The following DDX42 variants were observed in gnomAD, a reference collection of about 807,000 sequenced individuals.
DDX42 encodes ATP-dependent RNA helicase DDX42.
In DDX42, 22 loss-of-function variants were observed where a neutral mutation model predicts 101.5. That is an observed-to-expected ratio of 0.22 (90% CI 0.15 to 0.31). The LOEUF (loss-of-function observed/expected upper bound fraction) is 0.31. Ranked by LOEUF, DDX42 falls within the 10% of genes least tolerant of loss-of-function variation. The probability of loss-of-function intolerance (pLI) is 1.00; values close to 1 mark genes in which losing one functional copy is unlikely to be tolerated. For synonymous variants in DDX42, 402 were observed against 401.2 expected, an observed-to-expected ratio of 1.00 and a Z score of -0.02; for missense variants, 849 against 1,199.9, an observed-to-expected ratio of 0.71 and a Z score of 4.32.
chr17:63,806,499 G>C (rs753875022), intron 7 of DDX42, 36 bp from the exon 8 acceptor site: 14 of 1,595,194 alleles, frequency 8.8e-6, no homozygotes, highest in Non-Finnish European at 1.7e-6. Context: ...TAATGTTGAA[G>C]TACAAGTCAT....
In DDX42 at chr17:63,807,733, G is replaced by T. The variant is rs770451349; in HGVS notation, c.856G>T (p.Val286Leu). 6.4e-5 allele frequency: 104 copies of T among 1,612,402 alleles called. No homozygotes were observed. The highest frequency in any genetic ancestry group is 8.6e-5 in the Non-Finnish European group (101 of 1,179,448). Residue 286 changes from valine (V) to leucine (L), a missense_variant, in exon 9 of 18, where the codon GTG becomes TTG. Transcript: ENST00000389924. ...PTPIQCQGVP[V>L]ALSGRDMIGI... ...TTTACTTTTTCTCCAGGGTGTGCCT[G>T]TGGCATTAAGTGGTAGAGACATGAT...
intron 1 of DDX42, among the ~76,000 whole-genome samples, chr17:63,779,269 G>C (rs138094741): frequency 6.6e-6 from 1 of 151,734 alleles, no homozygotes; most frequent in Non-Finnish European, 1.5e-5. Flanking sequence ...GTTTGTTTTG[G>C]TTTTGTTTTT....
intron 1 of DDX42, among the ~76,000 whole-genome samples, chr17:63,785,479 G>T (rs2039536223): frequency 6.6e-6 from 1 of 151,038 alleles, no homozygotes; most frequent in African/African-American, 2.4e-5. Context: ...AATTTTTTTT[G>T]GGCCAGGTGC....
chr17:63,787,282 T>C lies in DDX42; in HGVS notation c.221+12T>C. ...GATGAAGAAAATGCGTAAGTGGTAA[T>C]TCCTGGTAGTGTAGCAAAGTTTGGA... is the stretch of plus-strand genomic sequence containing the variant. On this transcript the variant is annotated intron_variant, in intron 2 of 17. Transcript: ENST00000389924. 1 of 1,613,382 alleles carries C rather than the reference T, an allele frequency of 6.2e-7. No individual in the cohort carries two copies. The highest frequency in any genetic ancestry group is 8.5e-7 in the Non-Finnish European group (1 of 1,179,494).
intron 5 of DDX42, among the ~76,000 whole-genome samples, 175 bp downstream of exon 5, chr17:63,799,800 G>T (rs946345133): frequency 6.6e-6 from 1 of 152,174 alleles, no homozygotes; most frequent in Admixed American, 6.5e-5. Context: ...GATTCACATG[G>T]CTTTCCCCCA....
Position 63,818,482 on chromosome 17 carries a change from G to T in DDX42, c.*84G>T. The T allele has an allele frequency of 7.5e-7, 1 of 1,339,752 alleles. No homozygotes were observed. Among genetic ancestry groups the T allele is most frequent in the Non-Finnish European group, 1.0e-6 (1 of 991,960 alleles). The allele number at this position is 1,339,752 out of a possible 1,614,324, so 83.0% of individuals were successfully genotyped here. A position where few individuals can be genotyped will look rare whatever the true frequency, so the allele number is the denominator to read the frequency against. ...CTAGGTGTCTCAGGGCTGGGTTGGG[G>T]TCCAAAGTGTAAGGACCCCCTGCCC... On this transcript the variant is annotated 3_prime_UTR_variant, in exon 18 of 18. Coordinates refer to ENST00000389924, the MANE Select transcript of DDX42 (RefSeq NM_203499.3).
intron 15 of DDX42, among the ~76,000 whole-genome samples, chr17:63,814,047 T>C (rs1334711721): frequency 3.3e-5 from 5 of 152,090 alleles, no homozygotes; most frequent in African/African-American, 1.2e-4. Context: ...GCCATGTTGG[T>C]CGGGCTGGTC....
rs2039874358 is a variant in DDX42, at chr17:63,808,801, ATTATT to A, written c.1024-18_1024-14del. ...TGTTAGTGTCACAGTTTGTTAATAT[ATTATT>A]CACAACTTTGTAGATCCATGCAGAA... On this transcript the variant is annotated splice_polypyrimidine_tract_variant and intron_variant, in intron 9 of 17. Coordinates refer to ENST00000389924, the MANE Select transcript of DDX42 (RefSeq NM_203499.3). 2 of 1,612,848 alleles carry A rather than the reference ATTATT, an allele frequency of 1.2e-6. No individual in the cohort carries two copies. The highest frequency in any genetic ancestry group is 1.7e-6 in the Non-Finnish European group (2 of 1,179,414).
chr17:63,775,812 A>T (rs2039413827), intron 1 of DDX42, among the ~76,000 whole-genome samples: 1 of 152,200 alleles, frequency 6.6e-6, no homozygotes, highest in African/African-American at 2.4e-5. Context: ...CGATCAGAGG[A>T]ATGATAATAT....
chr17:63,774,593 C>CT (rs1487406210), intron 1 of DDX42: 1 of 156,586 alleles, frequency 6.4e-6, no homozygotes, highest in Non-Finnish European at 1.4e-5. Context: ...ACAGCTCCCG[C>CT]TTCCCTCACA....
At chr17:63,813,177 T>G in intron 14 of DDX42, 51 bp from the exon 15 acceptor site, 1 of 1,507,140 alleles carries the variant, frequency 6.6e-7, no homozygotes, top group Non-Finnish European at 9.0e-7. Context: ...GTTACTTTGA[T>G]CTTCTGACTA....
At chr17:63,787,343 C>G in intron 2 of DDX42, 73 bp downstream of exon 2, 1 of 1,455,356 alleles carries the variant, frequency 6.9e-7, no homozygotes, top group South Asian at 1.2e-5. Flanking sequence ...GAAATTGAGG[C>G]AAAGAAACTT....
rs138535741 is a variant in DDX42, at chr17:63,818,079, G to C, written c.2498G>C (p.Arg833Pro). The C allele has an allele frequency of 6.2e-7, 1 of 1,614,036 alleles. No homozygotes were observed. The highest frequency in any genetic ancestry group is 8.5e-7 in the Non-Finnish European group (1 of 1,180,036). The change falls in exon 18 of 18, where the codon CGT (arginine) becomes CCT (proline). Residue 833 changes from arginine to proline, a missense_variant. Transcript: ENST00000389924. ...GGCAATCGGCATAGCGATAGTCCAC[G>C]TCACGGAGATGGTGGTCGCCATGGA... ...ETGNRHSDSPRHGDGGRHGDG... is the reference protein window; with the variant it reads ...ETGNRHSDSPPHGDGGRHGDG...
chr17:63,787,922 T>TTTTGGG (rs141481953), intron 2 of DDX42, among the ~76,000 whole-genome samples: 1 of 144,066 alleles, frequency 6.9e-6, no homozygotes, highest in Non-Finnish European at 1.5e-5. Context: ...TTTTTTTTTT[T>TTTTGGG]GGAGGCAGAG....
chr17:63,816,309 A>G (rs560110478), intron 16 of DDX42, among the ~76,000 whole-genome samples: 1 of 152,302 alleles, frequency 6.6e-6, no homozygotes, highest in East Asian at 1.9e-4. Context: ...TTCCCACATT[A>G]TAATAATAAT....
intron 7 of DDX42, 31 bp downstream of exon 7, chr17:63,805,206 A>G: frequency 6.3e-7 from 1 of 1,597,348 alleles, no homozygotes; most frequent in Non-Finnish European, 8.5e-7. Context: ...TATTCTTAAT[A>G]TTAATGTTAA....
At chr17:63,797,613 C>T (rs998391814) in intron 3 of DDX42, among the ~76,000 whole-genome samples, 1 of 152,206 alleles carries the variant, frequency 6.6e-6, no homozygotes, top group African/African-American at 2.4e-5. Flanking sequence ...CAGACATTGC[C>T]AGATGTTGCC....
intron 8 of DDX42, 81 bp downstream of exon 8, chr17:63,806,735 A>T: frequency 6.8e-7 from 1 of 1,465,070 alleles, no homozygotes; most frequent in Non-Finnish European, 9.2e-7. Context: ...TCACAGCAGT[A>T]AAACAGTGTT....
At position 63,787,158 on chromosome 17, in the gene DDX42, A is replaced by C; in HGVS notation, c.109A>C (p.Ser37Arg). The change falls in exon 2 of 18, where the codon AGT becomes CGT. Residue 37 changes from serine to arginine, a missense_variant. By Grantham distance (110) the Ser-to-Arg change is moderately radical. Transcript: ENST00000389924. ...ACCCAAACTCCCACAGCAGTCCCAC[A>C]GTGCCTTTGGGGCAACCAGCTCTTC... ...EEPKLPQQSHSAFGATSSSSG... is the reference protein window; with the variant it reads ...EEPKLPQQSHRAFGATSSSSG... 6.2e-7 allele frequency: 1 copy of C among 1,614,198 alleles called. No homozygotes were observed. The highest frequency in any genetic ancestry group is 8.5e-7 in the Non-Finnish European group (1 of 1,180,046).
Sources: gnomAD v4.1 joint callset for allele counts (sites outside exome capture counted in the v4.1 genomes callset) on GRCh38, gnomAD v4.1.1 for gene constraint, MANE v1.5 for transcripts, NCBI Gene and HGNC (gene_info 2026-07-23, HGNC 2026-07-21) for gene names.